Variants in KRT75 observed in about 807,000 individuals in gnomAD.
The protein encoded by KRT75 is keratin 75, also known as keratin, type II cytoskeletal 75.
KRT75 carries 35 observed loss-of-function variants against 48.8 expected under a neutral mutation model. The ratio of observed to expected loss-of-function variants is 0.72; its 90% CI spans 0.55 to 0.95. KRT75 has a LOEUF of 0.95. Among genes scored for constraint, KRT75 ranks in the 40% least tolerant of loss-of-function variants. The pLI is 0.00. For synonymous variants in KRT75, 301 were observed against 282.3 expected, an observed-to-expected ratio of 1.07 and a Z score of -0.66; for missense variants, 776 against 709.9, an observed-to-expected ratio of 1.09 and a Z score of -1.06.
intron 7 of KRT75, among the ~76,000 whole-genome samples, chr12:52,427,454 CA>C (rs1158804115): frequency 6.6e-6 from 1 of 152,162 alleles, no homozygotes; most frequent in Admixed American, 6.5e-5. Flanking sequence ...TCAACAACCC[CA>C]TGAGGTAGGT....
chr12:52,424,406 C>G lies in KRT75; in HGVS notation c.*111G>C, dbSNP rs1367682910. 1.3e-5 allele frequency: 14 copies of G among 1,043,118 alleles called. No individual in the cohort carries two copies. The highest frequency in any genetic ancestry group is 3.4e-5 in the Admixed American group (2 of 59,280). The allele number at this position is 1,043,118 out of a possible 1,614,324, so 64.6% of individuals were successfully genotyped here. On this transcript the variant is annotated 3_prime_UTR_variant, in exon 9 of 9. Coordinates refer to ENST00000252245, the MANE Select transcript of KRT75 (RefSeq NM_004693.3). ...ATGGGTATAGCCAGTACTCCAGGCT[C>G]CCAGCAGCACAGGTGCACCTTACAA... is the stretch of plus-strand genomic sequence containing the variant.
Position 52,426,343 on chromosome 12 carries a change from G to A in KRT75, c.1417+474C>T, listed in dbSNP as rs141142479. ...ATACTCGGCAGAGTTGAGCCAAGCA[G>A]TGGAGCTTCTTCTCAAACTGTTTAG... On this transcript the variant is annotated intron_variant, in intron 8 of 8. Transcript: ENST00000252245. Among the ~76,000 whole-genome samples, 304 of 152,350 alleles carry A rather than the reference G, an allele frequency of 2.0e-3. 5 individuals are homozygous for A. The South Asian group carries it at 0.028, about 14-fold the overall frequency.
At chr12:52,431,483 T>A in intron 4 of KRT75, 60 bp downstream of exon 4, 1 of 1,203,110 alleles carries the variant, frequency 8.3e-7, no homozygotes, top group Non-Finnish European at 1.2e-6. Context: ...GCACAATGCA[T>A]CATCCTTTTC....
rs146898872 is a variant in KRT75, at chr12:52,424,594, G to A, written c.1579C>T (p.Arg527Trp). ...GGSGFSATSN[R>W]GLGGSGSSVK... The stretch of plus-strand genomic sequence containing the variant: ...CTAGAACCACTGCCCCCTAAGCCCC[G>A]GTTGCTGGTGGCACTGAATCCAGAA... Residue 527 changes from arginine (R) to tryptophan (W), a missense_variant, in exon 9 of 9, where the codon CGG (arginine) becomes TGG (tryptophan). Arg to Trp is a moderately radical substitution (Grantham distance 101, BLOSUM62 -3). Transcript: ENST00000252245. 5.6e-6 allele frequency: 9 copies of A among 1,614,010 alleles called. No homozygotes were observed. The highest frequency in any genetic ancestry group is 1.6e-4 in the Middle Eastern group (1 of 6,084).
chr12:52,427,452 C>T (rs1035685288), intron 7 of KRT75, among the ~76,000 whole-genome samples: 1 of 152,160 alleles, frequency 6.6e-6, no homozygotes, highest in Non-Finnish European at 1.5e-5. Flanking sequence ...TCTCAACAAC[C>T]CCATGAGGTA....
intron 1 of KRT75, among the ~76,000 whole-genome samples, 155 bp from the exon 2 acceptor site, chr12:52,433,407 A>G (rs1157215142): frequency 6.6e-6 from 1 of 152,208 alleles, no homozygotes; most frequent in Non-Finnish European, 1.5e-5. Flanking sequence ...GAGGCAGTCC[A>G]TGGAGCTACC....
chr12:52,424,775 T>C lies in KRT75; in HGVS notation c.1418-20A>G, dbSNP rs1443397453. The C allele has an allele frequency of 8.2e-6, 13 of 1,577,290 alleles. No individual in the cohort carries two copies. Among genetic ancestry groups the C allele is most frequent in the South Asian group, 7.7e-5 (7 of 90,372 alleles). On this transcript the variant is annotated intron_variant, in intron 8 of 8. Coordinates refer to ENST00000252245, the MANE Select transcript of KRT75 (RefSeq NM_004693.3). Reference sequence around the variant, plus strand: ...CCACAGCTGCCGGGAAGAGAGGAGGTGTGGTCAGATCAAGTGCAAGCGAGA... The same window carrying C: ...CCACAGCTGCCGGGAAGAGAGGAGGCGTGGTCAGATCAAGTGCAAGCGAGA...
intron 5 of KRT75, among the ~76,000 whole-genome samples, chr12:52,430,248 C>T (rs1311617806): frequency 2.6e-5 from 4 of 152,132 alleles, no homozygotes; most frequent in Non-Finnish European, 5.9e-5. Flanking sequence ...TTAGAAACTG[C>T]TTCATGACTG....
intron 8 of KRT75, 148 bp downstream of exon 8, chr12:52,426,669 G>A (rs1008901223): frequency 2.4e-6 from 2 of 824,510 alleles, no homozygotes; most frequent in Non-Finnish European, 4.2e-6. Context: ...CTTTTTAAGG[G>A]ACCCAAAACC....
rs1940133719 is a variant in KRT75 at position 52,430,710 on chromosome 12, A to G, written c.871-5T>C. On this transcript the variant is annotated splice_polypyrimidine_tract_variant and splice_region_variant and intron_variant, in intron 4 of 8. Coordinates refer to ENST00000252245, the MANE Select transcript of KRT75 (RefSeq NM_004693.3). ...GGTCTGCAACTGGGACAGCTCCTGC[A>G]GGGCAGTAAACTCAGCATCACCAAG... 6 of 1,614,190 alleles carry G rather than the reference A, an allele frequency of 3.7e-6. No individual in the cohort carries two copies. Among genetic ancestry groups the G allele is most frequent in the Non-Finnish European group, 4.2e-6 (5 of 1,180,010 alleles).
chr12:52,429,371 T>C (rs769110649), intron 5 of KRT75, among the ~76,000 whole-genome samples: 12 of 152,148 alleles, frequency 7.9e-5, no homozygotes, highest in African/African-American at 2.7e-4. Context: ...GAAGACTTTG[T>C]AAAAGTATTC....
rs1194600486 is a variant in KRT75 at position 52,433,132 on chromosome 12, G to A, written c.619C>T (p.Leu207Phe). 2 of 1,613,766 alleles carry A rather than the reference G, an allele frequency of 1.2e-6. No homozygotes were observed. Among genetic ancestry groups the A allele is most frequent in the Non-Finnish European group, 1.7e-6 (2 of 1,179,962 alleles). The change falls in exon 2 of 9, where the codon CTC becomes TTC. Residue 207 changes from leucine to phenylalanine, a missense_variant. Leu to Phe is a conservative substitution (Grantham distance 22). Coordinates refer to ENST00000252245, the MANE Select transcript of KRT75 (RefSeq NM_004693.3). Reference protein sequence around the residue: ...EPLFDSYTSELRRQLESITTE... With the variant: ...EPLFDSYTSEFRRQLESITTE... The stretch of plus-strand genomic sequence containing the variant: ...GTGATGCTTTCCAGCTGCCGTCGGA[G>A]CTCACTGGTATAGGAATCAAAGAGG...
rs147376251 is a variant in KRT75, at chr12:52,430,689, T to A, written c.887A>T (p.Gln296Leu). ...CACGGATGTGTCACCGACCTGGGTC[T>A]GCAACTGGGACAGCTCCTGCAGGGC... ...SVFDAELSQL[Q>L]TQVGDTSVVL... The change falls in exon 5 of 9, where the codon CAG becomes CTG. Residue 296 changes from glutamine to leucine, a missense_variant. Transcript: ENST00000252245. 6.2e-7 allele frequency: 1 copy of A among 1,614,186 alleles called. No homozygotes were observed. The highest frequency in any genetic ancestry group is 1.3e-5 in the African/African-American group (1 of 75,070).
chr12:52,432,040 G>A lies in KRT75; in HGVS notation c.740C>T (p.Thr247Ile). The change falls in exon 3 of 9, where the codon ACA (threonine) becomes ATA (isoleucine). Residue 247 changes from threonine to isoleucine, a missense_variant. Transcript: ENST00000252245. Reference sequence around the variant, plus strand: ...GGCTACAAATTCATTCTCAGCAGCTGTGCGCTTGTTAATTTCATCTTCGTA... The same window carrying A: ...GGCTACAAATTCATTCTCAGCAGCTATGCGCTTGTTAATTTCATCTTCGTA... ...VRYEDEINKRTAAENEFVALK... is the reference protein window; with the variant it reads ...VRYEDEINKRIAAENEFVALK... 3.1e-6 allele frequency: 5 copies of A among 1,614,168 alleles called. No individual in the cohort carries two copies. The South Asian group carries it at 4.4e-5, about 14-fold the overall frequency.
Position 52,424,589 on chromosome 12 carries a change from GC to G in KRT75, c.1583del (p.Gly528AlafsTer2). On this transcript the variant is annotated frameshift_variant, in exon 9 of 9. Transcript: ENST00000252245. LOFTEE classifies it high-confidence loss of function. ...GSGFSATSNR[G>X]LGGSGSSVKF... ...TGACGCTAGAACCACTGCCCCCTAA[GC>G]CCCGGTTGCTGGTGGCACTGAATCC... 3 of 1,614,186 alleles carry G rather than the reference GC, an allele frequency of 1.9e-6. No individual in the cohort carries two copies. The highest frequency in any genetic ancestry group is 1.1e-5 in the South Asian group (1 of 91,072).
chr12:52,428,709 C>T lies in KRT75; in HGVS notation c.1070G>A (p.Gly357Glu). Residue 357 changes from glycine (G) to glutamate (E), a missense_variant, in exon 6 of 9, where the codon GGG (glycine) becomes GAG (glutamate). Coordinates refer to ENST00000252245, the MANE Select transcript of KRT75 (RefSeq NM_004693.3). ...EELQVTAGRH[G>E]DDLRNTKQEI... ...TTGTTTGGTGTTTCGAAGGTCATCCCCATGTCTGCCTGCGGTGACCTGCAG... is the reference window on the plus strand; with the variant it reads ...TTGTTTGGTGTTTCGAAGGTCATCCTCATGTCTGCCTGCGGTGACCTGCAG... 1 of 1,614,168 alleles carries T rather than the reference C, an allele frequency of 6.2e-7. No individual in the cohort carries two copies.
At chr12:52,426,916 A>G in intron 7 of KRT75, 65 bp from the exon 8 acceptor site, 2 of 1,357,568 alleles carry the variant, frequency 1.5e-6, no homozygotes, top group Non-Finnish European at 2.1e-6. Context: ...GGCCTTTGCA[A>G]TGACACTTTT....
In KRT75 at chr12:52,432,074, G is replaced by C; in HGVS notation, c.714-8C>G. ...TTAATTTCATCTTCGTACCTATAAG[G>C]ACAGAGCGGGGGGTGTGCTGTTGAG... On this transcript the variant is annotated splice_region_variant and splice_polypyrimidine_tract_variant and intron_variant, in intron 2 of 8. Transcript: ENST00000252245. 1 of 1,614,108 alleles carries C rather than the reference G, an allele frequency of 6.2e-7. No individual in the cohort carries two copies. The highest frequency in any genetic ancestry group is 8.5e-7 in the Non-Finnish European group (1 of 1,179,986).
Position 52,424,536 on chromosome 12 carries a change from T to G in KRT75, c.1637A>C (p.Gln546Pro). The change falls in exon 9 of 9, where the codon CAG becomes CCG. Residue 546 changes from glutamine to proline, a missense_variant. Physicochemically the swap from Gln to Pro is moderately conservative, Grantham distance 76. Transcript: ENST00000252245. ...VKFVSTTSSSQKSYTH is the reference protein window; with the variant it reads ...VKFVSTTSSSPKSYTH The stretch of plus-strand genomic sequence containing the variant: ...GCTCTCTTAGTGCGTGTAGCTCTTC[T>G]GGCTGGAGGATGTGGTGGAGACAAA... The G allele has an allele frequency of 6.2e-7, 1 of 1,614,192 alleles. No individual in the cohort carries two copies. The highest frequency in any genetic ancestry group is 8.5e-7 in the Non-Finnish European group (1 of 1,180,020).
Sources: allele counts gnomAD v4.1 joint callset (sites outside exome capture counted in the v4.1 genomes callset), GRCh38; gene constraint gnomAD v4.1.1; transcripts MANE v1.5; gene names NCBI Gene and HGNC (gene_info 2026-07-23, HGNC 2026-07-21).